Variants in APBA1 observed in about 807,000 individuals in gnomAD.
The protein encoded by APBA1 is amyloid-beta A4 precursor protein-binding family A member 1.
A neutral mutation model predicts 86.6 loss-of-function variants in APBA1; 55 were observed. That is an observed-to-expected ratio of 0.64 (90% confidence interval 0.51 to 0.80). The LOEUF is 0.80. Ranked by LOEUF, APBA1 falls within the 30% of genes least tolerant of loss-of-function variation. The probability of loss-of-function intolerance (pLI) is 0.00; values close to 1 mark genes in which losing one functional copy is unlikely to be tolerated. For missense variants in APBA1, 1,090 were observed against 1,183.0 expected (o/e 0.92, Z 1.15); for synonymous variants, 511 against 493.9 (o/e 1.03, Z -0.46).
At chr9:69,594,007 C>T (rs1564086702) in intron 1 of APBA1, among the ~76,000 whole-genome samples, 1 of 152,148 alleles carries the variant, frequency 6.6e-6, no homozygotes, top group Non-Finnish European at 1.5e-5. Flanking sequence ...GTTGGATCTT[C>T]TGGCGTTAGA....
chr9:69,456,874 G>T (rs1835106889), intron 7 of APBA1, among the ~76,000 whole-genome samples, 179 bp downstream of exon 7: 1 of 152,150 alleles, frequency 6.6e-6, no homozygotes, highest in Non-Finnish European at 1.5e-5. Context: ...TGGGCTTTAA[G>T]AAAGCAATCC....
chr9:69,652,362 G>A (rs908707474), intron 1 of APBA1, among the ~76,000 whole-genome samples: 2 of 152,170 alleles, frequency 1.3e-5, no homozygotes, highest in African/African-American at 4.8e-5. Context: ...GTCAGAGTGA[G>A]CAGGGCAAAA....
chr9:69,624,722 C>T (rs1429287423), intron 1 of APBA1, among the ~76,000 whole-genome samples: 1 of 152,158 alleles, frequency 6.6e-6, no homozygotes, highest in Non-Finnish European at 1.5e-5. Context: ...ATGACCAAAA[C>T]TTGGTTCTTG....
intron 2 of APBA1, among the ~76,000 whole-genome samples, chr9:69,489,852 T>C (rs932221735): frequency 1.4e-4 from 21 of 152,026 alleles, no homozygotes; most frequent in African/African-American, 4.6e-4. Context: ...TGTGGAGAAA[T>C]AGGAACACTT....
intron 1 of APBA1, among the ~76,000 whole-genome samples, chr9:69,669,237 C>G (rs979588995): frequency 1.3e-5 from 2 of 152,084 alleles, no homozygotes; most frequent in African/African-American, 4.8e-5. Flanking sequence ...ACAATTACTT[C>G]TTCTTTCTAG....
chr9:69,607,767 A>C (rs1406028947), intron 1 of APBA1, among the ~76,000 whole-genome samples: 1 of 152,232 alleles, frequency 6.6e-6, no homozygotes, highest in East Asian at 1.9e-4. Context: ...GTTTAGATCC[A>C]GCTGTGGCTC....
intron 2 of APBA1, among the ~76,000 whole-genome samples, chr9:69,505,347 C>A (rs1835941823): frequency 1.3e-5 from 2 of 152,052 alleles, no homozygotes; most frequent in Admixed American, 6.5e-5. Context: ...GCTCACGTTT[C>A]CCTGGCCACG....
intron 10 of APBA1, among the ~76,000 whole-genome samples, chr9:69,448,238 C>T (rs1020808840): frequency 6.6e-6 from 1 of 152,236 alleles, no homozygotes; most frequent in African/African-American, 2.4e-5. Context: ...TAGCCTCTCA[C>T]CTTTATGTTG....
chr9:69,636,822 AGAGAGAGAGGGAGGGAGG>A (rs1409190938), intron 1 of APBA1, among the ~76,000 whole-genome samples: 429 of 28,746 alleles, frequency 0.015, 22 homozygotes, highest in East Asian at 0.026. Context: ...AGAGAGAGAG[AGAGAGAGAGGGAGGGAGG>A]GAGGGAGGGA....
intron 1 of APBA1, among the ~76,000 whole-genome samples, chr9:69,592,080 C>T (rs935028619): frequency 6.6e-6 from 1 of 152,110 alleles, no homozygotes; most frequent in African/African-American, 2.4e-5. Flanking sequence ...TTGCTGAAAT[C>T]CATTTAACTG....
intron 11 of APBA1, 36 bp downstream of exon 11, chr9:69,440,960 C>T (rs1216747756): frequency 1.2e-6 from 2 of 1,601,674 alleles, no homozygotes; most frequent in Admixed American, 3.4e-5. Context: ...TATTTGTCAA[C>T]ATTGTGGAAA....
At chr9:69,511,644 T>G (rs1274938454) in intron 2 of APBA1, among the ~76,000 whole-genome samples, 1 of 151,976 alleles carries the variant, frequency 6.6e-6, no homozygotes, top group East Asian at 1.9e-4. Flanking sequence ...TGCGGCATTA[T>G]TCACAATAGC....
At chr9:69,600,141 A>T (rs1822317667) in intron 1 of APBA1, among the ~76,000 whole-genome samples, 1 of 152,172 alleles carries the variant, frequency 6.6e-6, no homozygotes, top group Non-Finnish European at 1.5e-5. Context: ...TGTGCCTCCC[A>T]TAAAAATTGG....
At chr9:69,536,071 A>T (rs11139181) in intron 1 of APBA1, among the ~76,000 whole-genome samples, 11,148 of 150,766 alleles carry the variant, frequency 0.074, 619 homozygotes, top group East Asian at 0.27. Context: ...ATGTTGTACA[A>T]GTAAGTCTGT....
intron 1 of APBA1, among the ~76,000 whole-genome samples, chr9:69,556,624 T>G (rs1271389611): frequency 1.3e-5 from 2 of 152,202 alleles, no homozygotes; most frequent in African/African-American, 4.8e-5. Flanking sequence ...TGATGCCCAG[T>G]CTCAACAGTT....
chr9:69,511,405 C>T (rs370586706), intron 2 of APBA1, among the ~76,000 whole-genome samples: 11 of 152,164 alleles, frequency 7.2e-5, no homozygotes, highest in South Asian at 6.2e-4. Context: ...ATGGCAATCA[C>T]TAAAAAGTCA....
chr9:69,630,112 G>C (rs1014681740), intron 1 of APBA1, among the ~76,000 whole-genome samples: 1 of 151,972 alleles, frequency 6.6e-6, no homozygotes, highest in African/African-American at 2.4e-5. Flanking sequence ...TATGTGAAGG[G>C]GCAGTGGGTC....
At chr9:69,449,482 G>T in intron 10 of APBA1, 102 bp downstream of exon 10, 1 of 1,105,764 alleles carries the variant, frequency 9.0e-7, no homozygotes, top group South Asian at 1.4e-5. Context: ...CTTGGTGCCT[G>T]ACACTTTGAA....
chr9:69,538,575 G>A (rs1836550234), intron 1 of APBA1, among the ~76,000 whole-genome samples: 4 of 152,190 alleles, frequency 2.6e-5, no homozygotes, highest in Admixed American at 2.6e-4. Flanking sequence ...GTCTGGATCA[G>A]TGGTTTGTGT....
Sources: allele counts gnomAD v4.1 joint callset (sites outside exome capture counted in the v4.1 genomes callset), GRCh38; gene constraint gnomAD v4.1.1; transcripts MANE v1.5; gene names NCBI Gene and HGNC (gene_info 2026-07-23, HGNC 2026-07-21).